The following CEP162 variants were observed in gnomAD, a reference collection of about 807,000 sequenced individuals.
CEP162 encodes the protein centrosomal protein 162, also known as centrosomal protein of 162 kDa.
A neutral mutation model predicts 169.2 loss-of-function variants in CEP162; 141 were observed. The observed-to-expected ratio is 0.83, with a 90% CI of 0.73 to 0.96. The LOEUF is 0.96. CEP162 is among the 40% of genes least tolerant of loss of function. The pLI, the probability that CEP162 is intolerant of heterozygous loss-of-function variation, is 0.00. For missense variants in CEP162, 1,600 were observed against 1,587.2 expected, an observed-to-expected ratio of 1.01 and a Z score of -0.14; for synonymous variants, 540 against 526.4, an observed-to-expected ratio of 1.03 and a Z score of -0.35.
Position 84,152,641 on chromosome 6 carries a change from C to G in CEP162, c.3533G>C (p.Arg1178Thr). Reference protein sequence around the residue: ...HVSEVLQENYRLKNELEGLIS... With the variant: ...HVSEVLQENYTLKNELEGLIS... ...TAATCCTTCTAGCTCATTTTTTAAT[C>G]TGTAGTTTTCTTGTAAAACTTCTGA... The change falls in exon 23 of 27, where the codon AGA becomes ACA. Residue 1178 changes from arginine to threonine, a missense_variant. Transcript: ENST00000403245. 2 of 1,598,204 alleles carry G rather than the reference C, an allele frequency of 1.3e-6. No homozygotes were observed. The highest frequency in any genetic ancestry group is 1.7e-6 in the Non-Finnish European group (2 of 1,171,508).
At chr6:84,136,819 T>C (rs956735297) in intron 25 of CEP162, among the ~76,000 whole-genome samples, 9 of 152,214 alleles carry the variant, frequency 5.9e-5, no homozygotes, top group Non-Finnish European at 1.3e-4. Flanking sequence ...CAGATAACTT[T>C]TTTCTTCTGC....
At chr6:84,202,653 G>A (rs1423995432) in intron 7 of CEP162, among the ~76,000 whole-genome samples, 2 of 148,884 alleles carry the variant, frequency 1.3e-5, no homozygotes, top group East Asian at 2.0e-4. Flanking sequence ...TCAGCCTCCC[G>A]AGCAGCTGGG....
chr6:84,217,307 G>A (rs1213349197), intron 3 of CEP162, among the ~76,000 whole-genome samples: 1 of 152,188 alleles, frequency 6.6e-6, no homozygotes, highest in African/African-American at 2.4e-5. Context: ...AAACAAGAAA[G>A]AGGAACAGAG....
Position 84,163,197 on chromosome 6 carries a change from T to TC in CEP162, c.2458dup (p.Glu820GlyfsTer20), listed in dbSNP as rs752682702. ...TTGGTCCCTCTCTTTCTTCATTTTT[T>TC]CGAAGTCTACTTCAAGAGCTTGTTT... is the stretch of plus-strand genomic sequence containing the variant. On this transcript the variant is annotated frameshift_variant, in exon 19 of 27. Transcript: ENST00000403245. LOFTEE classifies it high-confidence loss of function. 1 of 1,613,274 alleles carries TC rather than the reference T, an allele frequency of 6.2e-7. No homozygotes were observed. Among genetic ancestry groups the TC allele is most frequent in the Non-Finnish European group, 8.5e-7 (1 of 1,179,426 alleles).
At chr6:84,219,986 T>A (rs972475924) in intron 3 of CEP162, among the ~76,000 whole-genome samples, 5 of 151,982 alleles carry the variant, frequency 3.3e-5, no homozygotes, top group Non-Finnish European at 7.4e-5. Context: ...GCAAGAAGGA[T>A]GAGAGGAAAG....
In CEP162 at chr6:84,213,701, C is replaced by T. The variant is rs778456674; in HGVS notation, c.504-677G>A. 2.8e-4 allele frequency among the ~76,000 whole-genome samples: 43 copies of T among 152,118 alleles called. 1 individual carries two copies. The highest frequency in any genetic ancestry group is 3.5e-4 in the Non-Finnish European group (24 of 68,002). On this transcript the variant is annotated intron_variant, in intron 5 of 26. Coordinates refer to ENST00000403245, the MANE Select transcript of CEP162 (RefSeq NM_014895.4). ...GTTCAATGCTATTCTGTACTTTGACCGGCCTGTTCTACAGCAGAAATATCA... is the reference window on the plus strand; with the variant it reads ...GTTCAATGCTATTCTGTACTTTGACTGGCCTGTTCTACAGCAGAAATATCA...
At chr6:84,177,847 A>AT (rs1164626508) in intron 13 of CEP162, among the ~76,000 whole-genome samples, 2 of 152,080 alleles carry the variant, frequency 1.3e-5, no homozygotes, top group Middle Eastern at 3.2e-3. Flanking sequence ...TGAATAATCA[A>AT]TATTAGTTCA....
At chr6:84,218,391 G>A (rs2127753269) in intron 3 of CEP162, among the ~76,000 whole-genome samples, 1 of 152,302 alleles carries the variant, frequency 6.6e-6, no homozygotes, top group South Asian at 2.1e-4. Context: ...GGCCAGCAGA[G>A]GGTCTTGCTC....
At chr6:84,204,302 T>C (rs539401638) in intron 6 of CEP162, among the ~76,000 whole-genome samples, 30 of 152,306 alleles carry the variant, frequency 2.0e-4, no homozygotes, top group Admixed American at 1.2e-3. Context: ...ATCACACTTA[T>C]TCCAAAATTG....
intron 25 of CEP162, among the ~76,000 whole-genome samples, chr6:84,146,319 C>T (rs575072654): frequency 4.6e-5 from 7 of 152,072 alleles, no homozygotes; most frequent in Non-Finnish European, 8.8e-5. Flanking sequence ...CAACTAAAAA[C>T]TCATGAGGGT....
chr6:84,175,384 T>C, intron 13 of CEP162, 37 bp from the exon 14 acceptor site: 1 of 1,432,922 alleles, frequency 7.0e-7, no homozygotes, highest in Non-Finnish European at 9.5e-7. Context: ...GCACCACAAA[T>C]GTAAAGTTAA....
chr6:84,191,759 G>A (rs1033587125), intron 11 of CEP162, among the ~76,000 whole-genome samples: 5 of 152,118 alleles, frequency 3.3e-5, no homozygotes, highest in African/African-American at 7.2e-5. Context: ...GTATGAAGAA[G>A]AGTGAAATTG....
Position 84,128,345 on chromosome 6 carries a change from A to G in CEP162, c.3871-1833T>C, listed in dbSNP as rs576929910. The stretch of plus-strand genomic sequence containing the variant: ...CATTTTAATGAATTATCCTCTAGAG[A>G]TAACTGAATACTTAATAAGCAAACA... On this transcript the variant is annotated intron_variant, in intron 25 of 26. Coordinates refer to ENST00000403245, the MANE Select transcript of CEP162 (RefSeq NM_014895.4). Among the ~76,000 whole-genome samples, 8 of 151,874 alleles carry G rather than the reference A, an allele frequency of 5.3e-5. No homozygotes were observed. The East Asian group carries it at 1.3e-3, about 26-fold the overall frequency.
chr6:84,215,370 C>A lies in CEP162; in HGVS notation c.415G>T (p.Glu139Ter). ...TCAATGGAAGATGTCAAGCCTTTCT[C>A]AAGCCTGGCAAAAAATTGTTCTTTC... ...EEKEQFFARL[E>*]KGLTSSIDYS... The change falls in exon 5 of 27, where the codon GAG (glutamate) becomes TAG (stop). Residue 139 changes from glutamate to a stop codon, truncating the protein, a stop_gained. Coordinates refer to ENST00000403245, the MANE Select transcript of CEP162 (RefSeq NM_014895.4). LOFTEE classifies it high-confidence loss of function. The A allele has an allele frequency of 6.2e-7, 1 of 1,606,762 alleles. No homozygotes were observed. The highest frequency in any genetic ancestry group is 1.3e-5 in the African/African-American group (1 of 74,920).
intron 18 of CEP162, among the ~76,000 whole-genome samples, chr6:84,167,761 C>G (rs1451740871): frequency 6.6e-6 from 1 of 152,108 alleles, no homozygotes; most frequent in African/African-American, 2.4e-5. Flanking sequence ...CATTGAACAA[C>G]CATTAAAGTA....
chr6:84,218,438 A>G (rs879341857), intron 3 of CEP162, among the ~76,000 whole-genome samples: 1 of 152,226 alleles, frequency 6.6e-6, no homozygotes, highest in African/African-American at 2.4e-5. Flanking sequence ...TGGTAAAGCT[A>G]TACAGTATCA....
chr6:84,133,882 C>T (rs2099512701), intron 25 of CEP162, among the ~76,000 whole-genome samples: 1 of 152,188 alleles, frequency 6.6e-6, no homozygotes. Flanking sequence ...CAACAAGCCC[C>T]AGTGAGATGA....
rs569046098 is a variant in CEP162, at chr6:84,216,020, A to T, written c.173-98T>A. ...ATAATGTTATGCTAATTTTGTGCAC[A>T]GTAGCTATAAAATAAATCTGCTCTA... On this transcript the variant is annotated intron_variant, in intron 3 of 26. Coordinates refer to ENST00000403245, the MANE Select transcript of CEP162 (RefSeq NM_014895.4). 6.3e-4 allele frequency: 861 copies of T among 1,376,828 alleles called. 1 individual carries two copies. Among genetic ancestry groups the T allele is most frequent in the Non-Finnish European group, 7.5e-4 (796 of 1,062,078 alleles). 85.3% of individuals were successfully genotyped at this position (1,376,828 alleles called of 1,614,324 possible). A position where few individuals can be genotyped will look rare whatever the true frequency, so the allele number is the denominator to read the frequency against.
chr6:84,137,087 G>A (rs1238809014), intron 25 of CEP162, among the ~76,000 whole-genome samples: 4 of 152,182 alleles, frequency 2.6e-5, no homozygotes, highest in Non-Finnish European at 4.4e-5. Flanking sequence ...ACTAGCAAGG[G>A]AATAAGAGTC....
Sources: allele counts gnomAD v4.1 joint callset (sites outside exome capture counted in the v4.1 genomes callset), GRCh38; gene constraint gnomAD v4.1.1; transcripts MANE v1.5; gene names NCBI Gene and HGNC (gene_info 2026-07-23, HGNC 2026-07-21).